The following OSBPL8 variants were observed in gnomAD, a reference collection of about 807,000 sequenced individuals.
OSBPL8 encodes the protein oxysterol binding protein like 8.
Under a neutral mutation model 125.5 loss-of-function variants are expected in OSBPL8, and 59 were observed. The ratio of observed to expected loss-of-function variants is 0.47; its 90% confidence interval spans 0.38 to 0.58. The LOEUF (loss-of-function observed/expected upper bound fraction) is 0.58. OSBPL8 is among the 20% of genes least tolerant of loss of function. The probability of loss-of-function intolerance (pLI) is 0.00; values close to 1 mark genes in which losing one functional copy is unlikely to be tolerated. For synonymous variants in OSBPL8, 330 were observed against 338.9 expected, an observed-to-expected ratio of 0.97 and a Z score of 0.29; for missense variants, 758 against 1,047.8, an observed-to-expected ratio of 0.72 and a Z score of 3.82.
Position 76,470,224 on chromosome 12 carries a change from G to A in OSBPL8, c.43-10329C>T, listed in dbSNP as rs191333404. On this transcript the variant is annotated intron_variant, in intron 2 of 23. Coordinates refer to ENST00000261183, the MANE Select transcript of OSBPL8 (RefSeq NM_020841.5). ...GCATGCATCTGGTGAGACTGCTGGC[G>A]GACTCTGTGGTTAGGAAACCAGAAA... Among the ~76,000 whole-genome samples, 11 of 152,186 alleles carry A rather than the reference G, an allele frequency of 7.2e-5. No homozygotes were observed. In the East Asian group the frequency reaches 9.6e-4, roughly 13 times the overall value.
chr12:76,539,781 T>C (rs1009458210), intron 1 of OSBPL8, among the ~76,000 whole-genome samples: 10 of 152,174 alleles, frequency 6.6e-5, no homozygotes, highest in African/African-American at 2.2e-4. Context: ...AAGACACTTA[T>C]ACAAGAAGAT....
At chr12:76,551,376 T>C (rs1038824998) in intron 1 of OSBPL8, among the ~76,000 whole-genome samples, 6 of 152,162 alleles carry the variant, frequency 3.9e-5, no homozygotes, top group African/African-American at 1.4e-4. Flanking sequence ...ATTGTCACAA[T>C]TAAGAAAGAT....
At chr12:76,385,539 G>A (rs1953272770) in intron 14 of OSBPL8, among the ~76,000 whole-genome samples, 1 of 152,046 alleles carries the variant, frequency 6.6e-6, no homozygotes, top group South Asian at 2.1e-4. Context: ...GTTAAAATAA[G>A]AGCTTAATGG....
At position 76,371,600 on chromosome 12, in the gene OSBPL8, T is replaced by C. The variant is rs1170144998; in HGVS notation, c.1918-16A>G. Reference sequence around the variant, plus strand: ...CTTCACTATCCTATATTTAAAAAAATTCAAAATTAATGTAAAGAATTATAC... The same window carrying C: ...CTTCACTATCCTATATTTAAAAAAACTCAAAATTAATGTAAAGAATTATAC... On this transcript the variant is annotated splice_polypyrimidine_tract_variant and intron_variant, in intron 18 of 23. Coordinates refer to ENST00000261183, the MANE Select transcript of OSBPL8 (RefSeq NM_020841.5). The C allele has an allele frequency of 1.3e-6, 2 of 1,536,604 alleles. No individual in the cohort carries two copies. The highest frequency in any genetic ancestry group is 1.2e-5 in the South Asian group (1 of 80,482).
chr12:76,451,044 T>C, intron 3 of OSBPL8, 56 bp from the exon 4 acceptor site: 1 of 1,544,834 alleles, frequency 6.5e-7, no homozygotes, highest in Non-Finnish European at 8.8e-7. Flanking sequence ...TACATAATAG[T>C]ATAGTTAATA....
chr12:76,412,672 G>A (rs1046670960), intron 4 of OSBPL8, among the ~76,000 whole-genome samples: 3 of 151,958 alleles, frequency 2.0e-5, no homozygotes, highest in African/African-American at 4.8e-5. Flanking sequence ...TATGCTATAG[G>A]TTTCATTTTT....
chr12:76,411,189 T>C (rs964179805), intron 4 of OSBPL8, among the ~76,000 whole-genome samples: 2 of 152,176 alleles, frequency 1.3e-5, no homozygotes, highest in Non-Finnish European at 2.9e-5. Context: ...TCTAAAAGGA[T>C]GAATCTTAAA....
At chr12:76,404,192 T>C (rs569114586) in intron 5 of OSBPL8, among the ~76,000 whole-genome samples, 8 of 152,278 alleles carry the variant, frequency 5.3e-5, no homozygotes, top group Middle Eastern at 3.4e-3. Flanking sequence ...TTCATAACAT[T>C]CCTCAAGCCA....
At chr12:76,426,545 T>C (rs1394126521) in intron 4 of OSBPL8, among the ~76,000 whole-genome samples, 1 of 152,108 alleles carries the variant, frequency 6.6e-6, no homozygotes, top group Non-Finnish European at 1.5e-5. Context: ...GTAGAAGGCA[T>C]GTAAAGGGGA....
intron 1 of OSBPL8, among the ~76,000 whole-genome samples, chr12:76,527,172 C>T (rs992844328): frequency 2.0e-5 from 3 of 149,390 alleles, no homozygotes; most frequent in African/African-American, 4.9e-5. Context: ...GTAAGGTATA[C>T]GGTACCACCT....
At chr12:76,551,852 CAAAT>C (rs1950948403) in intron 1 of OSBPL8, among the ~76,000 whole-genome samples, 1 of 152,182 alleles carries the variant, frequency 6.6e-6, no homozygotes, top group South Asian at 2.1e-4. Flanking sequence ...AGCTGCTTAA[CAAAT>C]AAACCCCAGA....
At chr12:76,481,016 G>C (rs1000305973) in intron 2 of OSBPL8, among the ~76,000 whole-genome samples, 1 of 152,148 alleles carries the variant, frequency 6.6e-6, no homozygotes, top group African/African-American at 2.4e-5. Flanking sequence ...GAGCAGCAGG[G>C]CATGTGATAA....
chr12:76,467,690 C>G (rs1466917633), intron 2 of OSBPL8, among the ~76,000 whole-genome samples: 4 of 152,040 alleles, frequency 2.6e-5, no homozygotes, highest in East Asian at 1.9e-4. Flanking sequence ...ATTAGTGCCC[C>G]CTATGTCAGA....
intron 1 of OSBPL8, among the ~76,000 whole-genome samples, chr12:76,507,438 T>C (rs533784862): frequency 1.3e-5 from 2 of 151,874 alleles, no homozygotes; most frequent in African/African-American, 4.9e-5. Context: ...AAGTTTTATA[T>C]GATAAATATG....
At chr12:76,544,658 T>A (rs904791056) in intron 1 of OSBPL8, among the ~76,000 whole-genome samples, 10 of 152,126 alleles carry the variant, frequency 6.6e-5, no homozygotes, top group African/African-American at 2.4e-4. Flanking sequence ...AAACTTCAGA[T>A]TAAGAAATGT....
chr12:76,380,158 C>T (rs530355383), intron 15 of OSBPL8, among the ~76,000 whole-genome samples: 1 of 152,220 alleles, frequency 6.6e-6, no homozygotes, highest in South Asian at 2.1e-4. Context: ...TTGCCAATAT[C>T]TTCAAAAAAG....
chr12:76,353,924 G>C lies in OSBPL8; in HGVS notation c.*1965C>G, dbSNP rs1951901083. The C allele has an allele frequency of 6.6e-6, 1 of 152,186 alleles. No individual in the cohort carries two copies. Among genetic ancestry groups the C allele is most frequent in the Non-Finnish European group, 1.5e-5 (1 of 67,790 alleles). The allele number at this position is 152,186 out of a possible 1,614,324, so 9.4% of individuals were successfully genotyped here. The stretch of plus-strand genomic sequence containing the variant: ...ACCCATACAAATAAAATATTATTTG[G>C]ACCAAATGAAAACAACATACACGTG... On this transcript the variant is annotated 3_prime_UTR_variant, in exon 24 of 24. Transcript: ENST00000261183.
intron 21 of OSBPL8, among the ~76,000 whole-genome samples, chr12:76,360,942 G>A (rs1952181873): frequency 6.6e-6 from 1 of 152,218 alleles, no homozygotes; most frequent in Non-Finnish European, 1.5e-5. Flanking sequence ...TTGGTGAAGG[G>A]TGGGGCTGCC....
chr12:76,404,825 G>C (rs1197761051), intron 5 of OSBPL8, among the ~76,000 whole-genome samples: 1 of 152,138 alleles, frequency 6.6e-6, no homozygotes, highest in African/African-American at 2.4e-5. Context: ...AGTTTTTAGG[G>C]AGTCAAAAGT....
Sources: allele counts gnomAD v4.1 joint callset (sites outside exome capture counted in the v4.1 genomes callset), GRCh38; gene constraint gnomAD v4.1.1; transcripts MANE v1.5; gene names NCBI Gene and HGNC (gene_info 2026-07-23, HGNC 2026-07-21).